Variants in PCDHGB6 observed in about 807,000 individuals in gnomAD.
PCDHGB6 encodes protocadherin gamma subfamily B, 6, also known as protocadherin gamma-B6.
A neutral mutation model predicts 59.1 loss-of-function variants in PCDHGB6; 51 were observed. That is an observed-to-expected ratio of 0.86 (90% CI 0.69 to 1.09). The LOEUF is 1.09. Among genes scored for constraint, PCDHGB6 ranks in the 50% least tolerant of loss-of-function variants. The pLI, the probability that PCDHGB6 is intolerant of heterozygous loss-of-function variation, is 0.00. For missense variants in PCDHGB6, 1,148 were observed against 1,205.1 expected (o/e 0.95, Z 0.70); for synonymous variants, 466 against 495.1 (o/e 0.94, Z 0.78).
In PCDHGB6 at chr5:141,432,512, G is replaced by A. The variant is rs751785850; in HGVS notation, c.2418+21892G>A. ...GCTGGCTCCCCGCTCCGCAGAGCCC[G>A]GCTACCTGGTGACCAAGGTGGTGGC... On this transcript the variant is annotated intron_variant, in intron 1 of 3. Transcript: ENST00000520790. The surrounding 1 kb of genome is among the most constrained non-coding windows in gnomAD (Gnocchi z 6.0). 3 of 1,614,108 alleles carry A rather than the reference G, an allele frequency of 1.9e-6. No homozygotes were observed. Among genetic ancestry groups the A allele is most frequent in the Non-Finnish European group, 2.5e-6 (3 of 1,180,030 alleles).
At position 141,432,908 on chromosome 5, in the gene PCDHGB6, C is replaced by A. The variant is rs757934634; in HGVS notation, c.2418+22288C>A. On this transcript the variant is annotated intron_variant, in intron 1 of 3. Coordinates refer to ENST00000520790, the MANE Select transcript of PCDHGB6 (RefSeq NM_018926.3). This position sits in a 1 kb window ranked among gnomAD's most constrained non-coding sequence, Gnocchi z 6.0. ...CATCTTGCTGCTGGCGCTCAGGCTGCGGCGCTGGCACAAGTCACGCCTGCT... is the reference window on the plus strand; with the variant it reads ...CATCTTGCTGCTGGCGCTCAGGCTGAGGCGCTGGCACAAGTCACGCCTGCT... The A allele has an allele frequency of 1.6e-5, 26 of 1,614,168 alleles. No individual in the cohort carries two copies. Among genetic ancestry groups the A allele is most frequent in the Middle Eastern group, 1.7e-4 (1 of 6,060 alleles).
chr5:141,461,037 G>T (rs1254497108), intron 1 of PCDHGB6, among the ~76,000 whole-genome samples: 1 of 150,988 alleles, frequency 6.6e-6, no homozygotes, highest in Non-Finnish European at 1.5e-5. Flanking sequence ...CCACTCATTA[G>T]TCGATGGGGA....
At chr5:141,498,919 C>A (rs897611505) in intron 2 of PCDHGB6, among the ~76,000 whole-genome samples, 1 of 122,240 alleles carries the variant, frequency 8.2e-6, no homozygotes. Context: ...GGTGACAGAG[C>A]GAGACTCCAT....
Position 141,491,057 on chromosome 5 carries a change from CCTA to C in PCDHGB6, c.2419-3747_2419-3745del. On this transcript the variant is annotated intron_variant, in intron 1 of 3. Coordinates refer to ENST00000520790, the MANE Select transcript of PCDHGB6 (RefSeq NM_018926.3). The surrounding 1 kb of genome is among the most constrained non-coding windows in gnomAD (Gnocchi z 6.9). ...GATGCAGGCCACAATGCGTGGCTCTCCTACTCACTGTTGCCACAGTCCACAGCC... is the reference window on the plus strand; with the variant it reads ...GATGCAGGCCACAATGCGTGGCTCTCCTCACTGTTGCCACAGTCCACAGCC... 6.2e-7 allele frequency: 1 copy of C among 1,614,208 alleles called. No homozygotes were observed. The highest frequency in any genetic ancestry group is 8.5e-7 in the Non-Finnish European group (1 of 1,180,022).
rs2099404338 is a variant in PCDHGB6, at chr5:141,477,060, C to T, written c.2419-17747C>T. On this transcript the variant is annotated intron_variant, in intron 1 of 3. Coordinates refer to ENST00000520790, the MANE Select transcript of PCDHGB6 (RefSeq NM_018926.3). This position sits in a 1 kb window ranked among gnomAD's most constrained non-coding sequence, Gnocchi z 4.9. Reference sequence around the variant, plus strand: ...AAGGGTCGGCTGGACTTCGAGGACACCAAACTCCATGAGATTTACATCCAG... The same window carrying T: ...AAGGGTCGGCTGGACTTCGAGGACATCAAACTCCATGAGATTTACATCCAG... 3.7e-6 allele frequency: 6 copies of T among 1,614,256 alleles called. No individual in the cohort carries two copies. The highest frequency in any genetic ancestry group is 5.1e-6 in the Non-Finnish European group (6 of 1,180,046).
At position 141,487,611 on chromosome 5, in the gene PCDHGB6, T is replaced by C. The variant is rs1215704705; in HGVS notation, c.2419-7196T>C. ...CCACCCTCTGATCTTCTCTATGGGCTAGAGGTGAGACCTTTGCAGGCTCAA... is the reference window on the plus strand; with the variant it reads ...CCACCCTCTGATCTTCTCTATGGGCCAGAGGTGAGACCTTTGCAGGCTCAA... On this transcript the variant is annotated intron_variant, in intron 1 of 3. Transcript: ENST00000520790. This position sits in a 1 kb window ranked among gnomAD's most constrained non-coding sequence, Gnocchi z 5.0. The C allele has an allele frequency of 1.2e-6, 2 of 1,614,206 alleles. No homozygotes were observed. The highest frequency in any genetic ancestry group is 1.7e-6 in the Non-Finnish European group (2 of 1,180,036).
intron 1 of PCDHGB6, chr5:141,478,675 G>A (rs1264846161): frequency 6.4e-7 from 1 of 1,551,574 alleles, no homozygotes; most frequent in South Asian, 1.2e-5. Context: ...ACTTTCAACT[G>A]GCCCTTCCTA....
chr5:141,472,980 C>CAAAAAAAAAAAAAAAAAAGAAAAAAAA (rs60579131), intron 1 of PCDHGB6, among the ~76,000 whole-genome samples: 1 of 86,106 alleles, frequency 1.2e-5, no homozygotes, highest in Non-Finnish European at 2.5e-5. Flanking sequence ...GAGTGAAACT[C>CAAAAAAAAAAAAAAAAAAGAAAAAAAA]AAAAAAAAAA....
intron 1 of PCDHGB6, chr5:141,478,479 C>T (rs750055106): frequency 1.9e-6 from 3 of 1,613,550 alleles, no homozygotes; most frequent in Admixed American, 1.7e-5. Context: ...CGCCAGAACA[C>T]GCTGCGGAGC....
chr5:141,419,993 G>T (rs754254084), intron 1 of PCDHGB6: 5 of 1,614,056 alleles, frequency 3.1e-6, no homozygotes, highest in Middle Eastern at 1.6e-4. Context: ...TCTAGCTATT[G>T]CTCTACGCCT....
intron 3 of PCDHGB6, among the ~76,000 whole-genome samples, chr5:141,506,833 C>A (rs1462038297): frequency 1.3e-5 from 2 of 152,092 alleles, no homozygotes; most frequent in African/African-American, 4.8e-5. Context: ...AACTGATAGC[C>A]CTGCCCTCCA....
rs911465424 is a variant in PCDHGB6 at position 141,449,724 on chromosome 5, AT to A, written c.2418+39111del. ...AAACACATTATTTTTATATGATATG[AT>A]TTTTTTATGACATGATTATTTTTAT... On this transcript the variant is annotated intron_variant, in intron 1 of 3. Coordinates refer to ENST00000520790, the MANE Select transcript of PCDHGB6 (RefSeq NM_018926.3). 1.2e-4 allele frequency among the ~76,000 whole-genome samples: 18 copies of A among 151,282 alleles called. No homozygotes were observed. The South Asian group carries it at 1.9e-3, about 16-fold the overall frequency.
chr5:141,442,675 G>A (rs1381554808), intron 1 of PCDHGB6, among the ~76,000 whole-genome samples: 1 of 152,248 alleles, frequency 6.6e-6, no homozygotes, highest in Admixed American at 6.5e-5. Context: ...GTGAGCTTGA[G>A]GGACAGTAGT....
chr5:141,413,630 C>T (rs746896115), intron 1 of PCDHGB6: 2 of 1,613,692 alleles, frequency 1.2e-6, no homozygotes, highest in Admixed American at 3.3e-5. Flanking sequence ...AATGTCGCTG[C>T]GGGAATGCGT....
In PCDHGB6 at chr5:141,477,380, G is replaced by C; in HGVS notation, c.2419-17427G>C. The C allele has an allele frequency of 6.2e-7, 1 of 1,614,116 alleles. No homozygotes were observed. The highest frequency in any genetic ancestry group is 8.5e-7 in the Non-Finnish European group (1 of 1,180,028). On this transcript the variant is annotated intron_variant, in intron 1 of 3. Transcript: ENST00000520790. The surrounding 1 kb of genome is among the most constrained non-coding windows in gnomAD (Gnocchi z 4.9). ...AGACCTGGATCGGGAGACTGTGCCA[G>C]AATACAACCTCAGCATCACCGCCCG...
intron 1 of PCDHGB6, chr5:141,430,885 C>T (rs771554381): frequency 5.6e-6 from 9 of 1,605,218 alleles, no homozygotes; most frequent in South Asian, 1.1e-5. Flanking sequence ...TGGAGAAAGG[C>T]TCTAGGGTGG....
intron 1 of PCDHGB6, chr5:141,419,649 A>C: frequency 6.2e-7 from 1 of 1,612,422 alleles, no homozygotes; most frequent in Non-Finnish European, 8.5e-7. Context: ...GTGGACGCGG[A>C]CTCGGGGCAC....
Position 141,432,147 on chromosome 5 carries a change from A to G in PCDHGB6, c.2418+21527A>G. 6.2e-7 allele frequency: 1 copy of G among 1,614,066 alleles called. No individual in the cohort carries two copies. The highest frequency in any genetic ancestry group is 8.5e-7 in the Non-Finnish European group (1 of 1,179,998). ...GCCTCCTATTCCGCTTATATCCCAG[A>G]GAACAATCCCAGAGGAGTTTCCCTC... On this transcript the variant is annotated intron_variant, in intron 1 of 3. Transcript: ENST00000520790. The surrounding 1 kb of genome is among the most constrained non-coding windows in gnomAD (Gnocchi z 6.0).
rs778172652 is a variant in PCDHGB6, at chr5:141,418,978, C to G, written c.2418+8358C>G. 4 of 1,613,790 alleles carry G rather than the reference C, an allele frequency of 2.5e-6. No individual in the cohort carries two copies. In the South Asian group the frequency reaches 4.4e-5, roughly 18 times the overall value. ...TTGTTGCCCTCTTCAAAACACGGGACCAAGACTCAGGGGAAAATGGGGAAG... is the reference window on the plus strand; with the variant it reads ...TTGTTGCCCTCTTCAAAACACGGGAGCAAGACTCAGGGGAAAATGGGGAAG... On this transcript the variant is annotated intron_variant, in intron 1 of 3. Coordinates refer to ENST00000520790, the MANE Select transcript of PCDHGB6 (RefSeq NM_018926.3).
Sources: allele counts gnomAD v4.1 joint callset (sites outside exome capture counted in the v4.1 genomes callset), GRCh38; gene constraint gnomAD v4.1.1; non-coding constraint Gnocchi (gnomAD v3.1); transcripts MANE v1.5; gene names NCBI Gene and HGNC (gene_info 2026-07-23, HGNC 2026-07-21).